The following KCNN2 variants were observed in gnomAD, a reference collection of about 807,000 sequenced individuals.
The protein encoded by KCNN2 is small conductance calcium-activated potassium channel protein 2.
A neutral mutation model predicts 55.5 loss-of-function variants in KCNN2; 24 were observed. That is an observed-to-expected ratio of 0.43 (90% confidence interval 0.31 to 0.61). KCNN2 has a LOEUF of 0.61. Among genes scored for constraint, KCNN2 ranks in the 20% least tolerant of loss-of-function variants. The probability of loss-of-function intolerance (pLI) is 0.08; values close to 1 mark genes in which losing one functional copy is unlikely to be tolerated. For synonymous variants in KCNN2, 431 were observed against 336.1 expected (o/e 1.28, Z -3.09); for missense variants, 754 against 853.6 (o/e 0.88, Z 1.45).
chr5:114,474,444 G>GACTT (rs1433070683), intron 5 of KCNN2, among the ~76,000 whole-genome samples: 1 of 152,098 alleles, frequency 6.6e-6, no homozygotes, highest in African/African-American at 2.4e-5. Flanking sequence ...TACTCTCCAT[G>GACTT]ACTTACTCTC....
At chr5:114,160,147 A>G (rs187486341) in intron 1 of KCNN2, among the ~76,000 whole-genome samples, 14 of 152,282 alleles carry the variant, frequency 9.2e-5, no homozygotes, top group East Asian at 3.9e-4. Context: ...ATTTAGTGCT[A>G]TAAATTTCCC....
At chr5:114,272,205 C>T (rs1755351782) in intron 2 of KCNN2, among the ~76,000 whole-genome samples, 1 of 151,846 alleles carries the variant, frequency 6.6e-6, no homozygotes, top group Admixed American at 6.6e-5. Flanking sequence ...ATAGCTGCAA[C>T]TACATATACA....
At chr5:114,404,378 A>G (rs1182516399) in intron 2 of KCNN2, 60 bp from the exon 3 acceptor site, 8 of 1,367,680 alleles carry the variant, frequency 5.8e-6, no homozygotes, top group African/African-American at 2.9e-5. Flanking sequence ...TAAAATCTGC[A>G]CTAACACTTG....
intron 1 of KCNN2, among the ~76,000 whole-genome samples, chr5:114,082,289 A>T (rs1023600137): frequency 1.5e-4 from 22 of 151,204 alleles, no homozygotes; most frequent in Non-Finnish European, 2.9e-4. Context: ...GTGCCACTAC[A>T]CTCCAGCCTG....
At chr5:114,209,521 G>A (rs1327789540) in intron 1 of KCNN2, among the ~76,000 whole-genome samples, 1 of 152,046 alleles carries the variant, frequency 6.6e-6, no homozygotes, top group African/African-American at 2.4e-5. Flanking sequence ...TTTGTGGACT[G>A]CTGTTGTATT....
chr5:114,164,101 A>G (rs1417405938), intron 1 of KCNN2, among the ~76,000 whole-genome samples: 3 of 152,188 alleles, frequency 2.0e-5, no homozygotes, highest in Non-Finnish European at 4.4e-5. Flanking sequence ...TACAAGAAGG[A>G]TTACAAAAGT....
At chr5:114,478,643 G>A (rs1310592522) in intron 5 of KCNN2, among the ~76,000 whole-genome samples, 1 of 151,908 alleles carries the variant, frequency 6.6e-6, no homozygotes, top group African/African-American at 2.4e-5. Flanking sequence ...GTTAAGGGAA[G>A]CCAGAGAGAA....
intron 3 of KCNN2, among the ~76,000 whole-genome samples, chr5:114,421,632 G>A (rs571974660): frequency 9.2e-4 from 139 of 151,546 alleles, no homozygotes; most frequent in Middle Eastern, 3.4e-3. Context: ...TTTTTGAGAC[G>A]GAATTTCACT....
At position 114,449,908 on chromosome 5, in the gene KCNN2, A is replaced by ACACACACACACACACACGCG. The variant is rs1309590184; in HGVS notation, c.1638-13140_1638-13139insACACACACACACACACGCGC. ...CACACACACACACACACACACACACACGCGCGCGCTCGCGTGCGCGCACTC... is the reference window on the plus strand; with the variant it reads ...CACACACACACACACACACACACACACACACACACACACACACGCGCGCGCGCGCTCGCGTGCGCGCACTC... On this transcript the variant is annotated intron_variant, in intron 3 of 7. Transcript: ENST00000673685. 1.2e-3 allele frequency among the ~76,000 whole-genome samples: 82 copies of ACACACACACACACACACGCG among 66,172 alleles called. No homozygotes were observed. The Middle Eastern group carries it at 0.024, about 20-fold the overall frequency. The allele number at this position is 66,172 out of a possible 152,430, so 43.4% of individuals were successfully genotyped here. A position where few individuals can be genotyped will look rare whatever the true frequency, so the allele number is the denominator to read the frequency against.
chr5:114,440,022 C>T (rs1760149674), intron 3 of KCNN2, among the ~76,000 whole-genome samples: 1 of 152,124 alleles, frequency 6.6e-6, no homozygotes, highest in Non-Finnish European at 1.5e-5. Context: ...TCAGGTTCAG[C>T]TGGGTTTTTT....
chr5:114,144,716 A>G (rs1471884612), intron 1 of KCNN2, among the ~76,000 whole-genome samples: 1 of 151,562 alleles, frequency 6.6e-6, no homozygotes, highest in Non-Finnish European at 1.5e-5. Flanking sequence ...TACTAATAAC[A>G]TATATGGTGG....
intron 1 of KCNN2, among the ~76,000 whole-genome samples, chr5:114,100,579 G>A (rs35655139): frequency 0.055 from 8,422 of 151,970 alleles, 300 homozygotes; most frequent in Middle Eastern, 0.088. Flanking sequence ...TATCCATGTG[G>A]GTATGTGTGT....
chr5:114,202,659 T>C (rs545142704), intron 1 of KCNN2, among the ~76,000 whole-genome samples: 1 of 147,336 alleles, frequency 6.8e-6, no homozygotes, highest in African/African-American at 2.5e-5. Context: ...CGATCTCGGC[T>C]CACTGCAAGC....
At chr5:114,450,756 AT>A (rs1760637095) in intron 3 of KCNN2, among the ~76,000 whole-genome samples, 1 of 151,818 alleles carries the variant, frequency 6.6e-6, no homozygotes, top group Admixed American at 6.6e-5. Flanking sequence ...TTAGTGGAGA[AT>A]TTTTTTTCTT....
At position 114,122,239 on chromosome 5, in the gene KCNN2, A is replaced by G. The variant is rs897830970; in HGVS notation, c.-271+65739A>G. ...TTTTTAAGAATCTGAATAGGTTTGA[A>G]GAGCCATGGCATTGTGAGTAATAAC... On this transcript the variant is annotated intron_variant, in intron 1 of 10. Transcript: ENST00000512097. Among the ~76,000 whole-genome samples, 5 of 152,194 alleles carry G rather than the reference A, an allele frequency of 3.3e-5. No individual in the cohort carries two copies. In the East Asian group the frequency reaches 7.7e-4, roughly 24 times the overall value.
chr5:114,411,559 T>C (rs1311764629), intron 3 of KCNN2, among the ~76,000 whole-genome samples: 2 of 152,014 alleles, frequency 1.3e-5, no homozygotes, highest in African/African-American at 2.4e-5. Context: ...GAGATGCAGG[T>C]GCAAGTCCTA....
intron 1 of KCNN2, among the ~76,000 whole-genome samples, chr5:114,193,531 C>A (rs1177565888): frequency 6.6e-6 from 1 of 152,152 alleles, no homozygotes; most frequent in African/African-American, 2.4e-5. Context: ...AGATTCTTCT[C>A]AACTCACTCT....
At chr5:114,104,569 A>C (rs1482283939) in intron 1 of KCNN2, among the ~76,000 whole-genome samples, 2 of 152,066 alleles carry the variant, frequency 1.3e-5, no homozygotes, top group African/African-American at 4.8e-5. Flanking sequence ...GTTTGTTTGC[A>C]ATACCCTGGT....
chr5:114,333,399 T>A (rs1485265177), intron 2 of KCNN2, among the ~76,000 whole-genome samples: 1 of 152,242 alleles, frequency 6.6e-6, no homozygotes, highest in Admixed American at 6.5e-5. Flanking sequence ...TGAAGGTTAT[T>A]TTAAAAATAA....
Sources: allele counts gnomAD v4.1 joint callset (sites outside exome capture counted in the v4.1 genomes callset), GRCh38; gene constraint gnomAD v4.1.1; transcripts MANE v1.5; gene names NCBI Gene and HGNC (gene_info 2026-07-23, HGNC 2026-07-21).